Variants in TIMP3 observed in about 807,000 individuals in gnomAD.
The protein encoded by TIMP3 is TIMP metallopeptidase inhibitor 3.
In TIMP3, 11 loss-of-function variants were observed where a neutral mutation model predicts 30.0. The observed-to-expected ratio is 0.37, with a 90% CI of 0.23 to 0.61. TIMP3 has a LOEUF of 0.61. TIMP3 is among the 20% of genes least tolerant of loss of function. The pLI is 0.70. For missense variants in TIMP3, 181 were observed against 276.8 expected, an observed-to-expected ratio of 0.65 and a Z score of 2.45; for synonymous variants, 112 against 111.3, an observed-to-expected ratio of 1.01 and a Z score of -0.04.
intron 1 of TIMP3, among the ~76,000 whole-genome samples, chr22:32,810,458 G>C (rs955554938): frequency 4.7e-5 from 7 of 150,362 alleles, no homozygotes; most frequent in African/African-American, 1.7e-4. Context: ...AAAGCTGTAC[G>C]ATCTGGCCTC....
chr22:32,824,938 C>T lies in TIMP3; in HGVS notation c.121+22816C>T, dbSNP rs550013164. On this transcript the variant is annotated intron_variant, in intron 1 of 4. Coordinates refer to ENST00000266085, the MANE Select transcript of TIMP3 (RefSeq NM_000362.5). Reference sequence around the variant, plus strand: ...CAGAAAGGGACCTTGTTTGGGGAGGCGGCTTTGAGCAGTGACTTTATGACA... The same window carrying T: ...CAGAAAGGGACCTTGTTTGGGGAGGTGGCTTTGAGCAGTGACTTTATGACA... Among the ~76,000 whole-genome samples the T allele has an allele frequency of 2.0e-5, 3 of 152,272 alleles. No homozygotes were observed. In the East Asian group the frequency reaches 5.8e-4, roughly 29 times the overall value.
In TIMP3 at chr22:32,857,347, G is replaced by A. The variant is rs2146286313; in HGVS notation, c.303G>A (p.Gln101=). The A allele has an allele frequency of 6.2e-7, 1 of 1,613,830 alleles. No individual in the cohort carries two copies. Among genetic ancestry groups the A allele is most frequent in the Non-Finnish European group, 8.5e-7 (1 of 1,179,702 alleles). The change falls in exon 3 of 5, where the codon CAG becomes CAA. Residue 101 remains glutamine, a synonymous_variant. Transcript: ENST00000266085. ...CGLKLEVNKY[Q]YLLTGRVYDG... is the part of the protein sequence containing the mutation. Reference sequence around the variant, plus strand: ...TTAAGCTGGAGGTCAACAAGTACCAGTACCTGCTGACAGGTAATGGCCAAC... The same window carrying A: ...TTAAGCTGGAGGTCAACAAGTACCAATACCTGCTGACAGGTAATGGCCAAC...
At chr22:32,802,216 G>A (rs2046607506) in intron 1 of TIMP3, 94 bp downstream of exon 1, 4 of 1,487,962 alleles carry the variant, frequency 2.7e-6, no homozygotes, top group Admixed American at 2.1e-5. Flanking sequence ...CCTTTCCTCT[G>A]CCCCAGGAGA....
At chr22:32,853,373 A>G (rs1472645332) in intron 2 of TIMP3, among the ~76,000 whole-genome samples, 1 of 152,262 alleles carries the variant, frequency 6.6e-6, no homozygotes, top group African/African-American at 2.4e-5. Context: ...GTACACCAGC[A>G]TCCAGAACAG....
intron 4 of TIMP3, 73 bp downstream of exon 4, chr22:32,858,211 C>T (rs2048430317): frequency 6.3e-7 from 1 of 1,592,526 alleles, no homozygotes; most frequent in Non-Finnish European, 8.6e-7. Context: ...GCTCCCAATG[C>T]ACTGGGTGCC....
chr22:32,843,642 G>A (rs1485565019), intron 1 of TIMP3, among the ~76,000 whole-genome samples: 1 of 152,100 alleles, frequency 6.6e-6, no homozygotes, highest in Non-Finnish European at 1.5e-5. Flanking sequence ...TCATGGGTAG[G>A]GCATCATTCC....
chr22:32,821,060 A>G (rs1247630994), intron 1 of TIMP3, among the ~76,000 whole-genome samples: 1 of 152,104 alleles, frequency 6.6e-6, no homozygotes, highest in Non-Finnish European at 1.5e-5. Context: ...ATTTTTGAGC[A>G]TAAAGAATAC....
chr22:32,856,934 T>A (rs547937182), intron 2 of TIMP3, among the ~76,000 whole-genome samples: 42 of 152,336 alleles, frequency 2.8e-4, no homozygotes, highest in Admixed American at 1.3e-3. Context: ...GCCTGGCTTA[T>A]TCCGCTTAGC....
intron 2 of TIMP3, among the ~76,000 whole-genome samples, chr22:32,851,231 C>A (rs1401555313): frequency 6.6e-6 from 1 of 152,172 alleles, no homozygotes; most frequent in Non-Finnish European, 1.5e-5. Context: ...AACACACGAA[C>A]CTGCCTGGTC....
At chr22:32,822,155 C>CAAAAA (rs35312009) in intron 1 of TIMP3, among the ~76,000 whole-genome samples, 5 of 108,318 alleles carry the variant, frequency 4.6e-5, no homozygotes, top group Admixed American at 9.5e-5. Flanking sequence ...AACTCCATCT[C>CAAAAA]AAAAAAAAAA....
At chr22:32,822,094 G>A (rs1324160314) in intron 1 of TIMP3, among the ~76,000 whole-genome samples, 2 of 148,326 alleles carry the variant, frequency 1.3e-5, no homozygotes, top group Non-Finnish European at 3.0e-5. Context: ...GGCAGAGGTT[G>A]CAATGAGCCG....
In TIMP3 at chr22:32,825,657, C is replaced by CA. The variant is rs130292; in HGVS notation, c.121+23575dup. Among the ~76,000 whole-genome samples, 31 of 28,594 alleles carry CA rather than the reference C, an allele frequency of 1.1e-3. 14 individuals carry two copies. Among genetic ancestry groups the CA allele is most frequent in the South Asian group, 4.6e-3 (2 of 436 alleles). 18.8% of individuals were successfully genotyped at this position (28,594 alleles called of 152,430 possible). ...TGGGCGACAGAGCGAGTTTCCATCTCAAAAAAAAAAAAAAAAAAAAAAAAA... is the reference window on the plus strand; with the variant it reads ...TGGGCGACAGAGCGAGTTTCCATCTCAAAAAAAAAAAAAAAAAAAAAAAAAA... On this transcript the variant is annotated intron_variant, in intron 1 of 4. Transcript: ENST00000266085.
intron 1 of TIMP3, among the ~76,000 whole-genome samples, chr22:32,823,548 T>C (rs2047315093): frequency 6.6e-6 from 1 of 151,898 alleles, no homozygotes; most frequent in Non-Finnish European, 1.5e-5. Context: ...AGGGTGGTGG[T>C]CTGGGATTGG....
chr22:32,818,791 G>T (rs1375510214), intron 1 of TIMP3, among the ~76,000 whole-genome samples: 4 of 152,204 alleles, frequency 2.6e-5, no homozygotes, highest in Non-Finnish European at 5.9e-5. Context: ...AGAAGGGGAA[G>T]TGACTGGCAA....
chr22:32,815,065 T>C (rs936854888), intron 1 of TIMP3, among the ~76,000 whole-genome samples: 3 of 152,262 alleles, frequency 2.0e-5, no homozygotes, highest in African/African-American at 4.8e-5. Context: ...TTTGGACTAG[T>C]TGCGTTTCAG....
At chr22:32,854,095 A>C (rs1601546623) in intron 2 of TIMP3, among the ~76,000 whole-genome samples, 1 of 152,234 alleles carries the variant, frequency 6.6e-6, no homozygotes, top group East Asian at 1.9e-4. Context: ...CCAATTCTAG[A>C]TCTCTATGAT....
chr22:32,802,177 C>T, intron 1 of TIMP3, 55 bp downstream of exon 1: 1 of 1,543,616 alleles, frequency 6.5e-7, no homozygotes, highest in Non-Finnish European at 8.7e-7. Context: ...GACTGCAGCG[C>T]TGCTTAGGGA....
At position 32,862,976 on chromosome 22, in the gene TIMP3, C is replaced by A. The variant is rs1247898206; in HGVS notation, c.*3599C>A. Reference sequence around the variant, plus strand: ...GAATGTATATTGTCTTGTAATGTTGCATAATGTTCACTTTTTATAGTGTGT... The same window carrying A: ...GAATGTATATTGTCTTGTAATGTTGAATAATGTTCACTTTTTATAGTGTGT... On this transcript the variant is annotated 3_prime_UTR_variant, in exon 5 of 5. Transcript: ENST00000266085. 6.6e-6 allele frequency: 1 copy of A among 152,640 alleles called. No homozygotes were observed. The highest frequency in any genetic ancestry group is 1.5e-5 in the Non-Finnish European group (1 of 68,030). The allele number at this position is 152,640 out of a possible 1,614,324, so 9.5% of individuals were successfully genotyped here. A position where few individuals can be genotyped will look rare whatever the true frequency, so the allele number is the denominator to read the frequency against.
At chr22:32,858,251 G>C (rs1264133948) in intron 4 of TIMP3, 113 bp downstream of exon 4, 20 of 1,480,646 alleles carry the variant, frequency 1.4e-5, no homozygotes, top group Non-Finnish European at 1.8e-5. Context: ...GTATGCATGT[G>C]TTAGGCCAGG....
Sources: gnomAD v4.1 joint callset for allele counts (sites outside exome capture counted in the v4.1 genomes callset) on GRCh38, gnomAD v4.1.1 for gene constraint, MANE v1.5 for transcripts, NCBI Gene and HGNC (gene_info 2026-07-23, HGNC 2026-07-21) for gene names.